The following KDM4D variants were observed in gnomAD, a reference collection of about 807,000 sequenced individuals.
KDM4D encodes the protein lysine demethylase 4D.
For synonymous variants in KDM4D, 254 were observed against 249.1 expected (o/e 1.02, Z -0.19); for missense variants, 427 against 674.8 (o/e 0.63, Z 4.07).
In KDM4D at chr11:94,999,294, G is replaced by A. The variant is rs1858007090; in HGVS notation, c.*350G>A. The A allele has an allele frequency of 5.4e-6, 1 of 184,934 alleles. No homozygotes were observed. The highest frequency in any genetic ancestry group is 2.4e-5 in the African/African-American group (1 of 42,208). The allele number at this position is 184,934 out of a possible 1,614,324, so 11.5% of individuals were successfully genotyped here. A position where few individuals can be genotyped will look rare whatever the true frequency, so the allele number is the denominator to read the frequency against. ...CTCTGGGCCAACTGTGGAAGCTGCT[G>A]CACTTGTGAAGAATCCTGAGCTTTG... On this transcript the variant is annotated 3_prime_UTR_variant, in exon 3 of 3. Coordinates refer to ENST00000335080, the MANE Select transcript of KDM4D (RefSeq NM_018039.3).
chr11:94,998,735 C>T lies in KDM4D; in HGVS notation c.1363C>T (p.Arg455Cys), dbSNP rs782590036. 9 of 1,613,896 alleles carry T rather than the reference C, an allele frequency of 5.6e-6. No individual in the cohort carries two copies. Among genetic ancestry groups the T allele is most frequent in the African/African-American group, 1.3e-5 (1 of 74,926 alleles). The part of the protein sequence containing the change: ...HPSNGRRGRG[R>C]PPQKLRAQEL... ...GTCAAATGGCAGACGTGGTCGTGGT[C>T]GCCCTCCTCAGAAACTGAGAGCTCA... The change falls in exon 3 of 3, where the codon CGC becomes TGC. Residue 455 changes from arginine to cysteine, a missense_variant. Coordinates refer to ENST00000335080, the MANE Select transcript of KDM4D (RefSeq NM_018039.3). The surrounding 1 kb of genome is among the most constrained non-coding windows in gnomAD (Gnocchi z 6.7).
rs782650005 is a variant in KDM4D, at chr11:94,997,365, C to T, written c.-8C>T. The stretch of plus-strand genomic sequence containing the variant: ...ATACCTAAAAACTAAGAGTTTACTG[C>T]TTATTAAATGGAAACTATGAAGTCT... On this transcript the variant is annotated 5_prime_UTR_variant, in exon 3 of 3. Coordinates refer to ENST00000335080, the MANE Select transcript of KDM4D (RefSeq NM_018039.3). 2.5e-6 allele frequency: 4 copies of T among 1,581,556 alleles called. No individual in the cohort carries two copies. The South Asian group carries it at 4.7e-5, about 19-fold the overall frequency.
chr11:94,983,533 G>C (rs1857859674), intron 2 of KDM4D, among the ~76,000 whole-genome samples: 1 of 151,976 alleles, frequency 6.6e-6, no homozygotes, highest in African/African-American at 2.4e-5. Context: ...TAAGTTATTT[G>C]CAACAATACA....
intron 2 of KDM4D, among the ~76,000 whole-genome samples, chr11:94,987,278 A>T (rs1857896064): frequency 6.6e-6 from 1 of 152,186 alleles, no homozygotes; most frequent in African/African-American, 2.4e-5. Flanking sequence ...ATTGAAGTGT[A>T]CACTTAAAAT....
At chr11:94,996,843 C>A (rs918818971) in intron 2 of KDM4D, among the ~76,000 whole-genome samples, 181 bp from the exon 3 acceptor site, 3 of 152,184 alleles carry the variant, frequency 2.0e-5, no homozygotes, top group Non-Finnish European at 4.4e-5. Flanking sequence ...GCTTCATATT[C>A]TCTGTAGTAG....
chr11:94,980,543 A>G (rs1332255107), intron 2 of KDM4D, among the ~76,000 whole-genome samples: 14 of 152,182 alleles, frequency 9.2e-5, no homozygotes, highest in African/African-American at 3.4e-4. Flanking sequence ...AAATCTATTA[A>G]CAGGTTATAT....
intron 2 of KDM4D, among the ~76,000 whole-genome samples, chr11:94,979,615 T>A (rs782311925): frequency 6.6e-5 from 10 of 152,232 alleles, no homozygotes; most frequent in Non-Finnish European, 1.2e-4. Context: ...AATGAATATG[T>A]ATTCCTTTAT....
At chr11:94,991,871 C>G (rs117875296) in intron 2 of KDM4D, among the ~76,000 whole-genome samples, 1,897 of 150,274 alleles carry the variant, frequency 0.013, 17 homozygotes, top group Middle Eastern at 0.062. Flanking sequence ...AATATGGGTT[C>G]AAAAAAAGCT....
Position 94,999,050 on chromosome 11 carries a change from A to C in KDM4D, c.*106A>C. On this transcript the variant is annotated 3_prime_UTR_variant, in exon 3 of 3. Coordinates refer to ENST00000335080, the MANE Select transcript of KDM4D (RefSeq NM_018039.3). ...TGGTTGAGTTTGCAGGACTCTAGGCATGCATGAAAGAGCCCCCCTGGTGAT... is the reference window on the plus strand; with the variant it reads ...TGGTTGAGTTTGCAGGACTCTAGGCCTGCATGAAAGAGCCCCCCTGGTGAT... The C allele has an allele frequency of 1.8e-6, 2 of 1,131,312 alleles. No individual in the cohort carries two copies. Among genetic ancestry groups the C allele is most frequent in the Non-Finnish European group, 2.4e-6 (2 of 846,908 alleles). The allele number at this position is 1,131,312 out of a possible 1,614,324, so 70.1% of individuals were successfully genotyped here.
chr11:94,983,842 A>G (rs1479954786), intron 2 of KDM4D, among the ~76,000 whole-genome samples: 1 of 152,056 alleles, frequency 6.6e-6, no homozygotes, highest in Non-Finnish European at 1.5e-5. Flanking sequence ...AGAAACAGAA[A>G]CTCCTATTAG....
chr11:94,994,017 G>C (rs1555098992), intron 2 of KDM4D, among the ~76,000 whole-genome samples: 1 of 152,096 alleles, frequency 6.6e-6, no homozygotes, highest in Non-Finnish European at 1.5e-5. Flanking sequence ...TACATCCTCA[G>C]TGTCTCGCTT....
At chr11:94,989,956 A>G (rs1857921234) in intron 2 of KDM4D, among the ~76,000 whole-genome samples, 1 of 151,844 alleles carries the variant, frequency 6.6e-6, no homozygotes, top group African/African-American at 2.4e-5. Flanking sequence ...ACAGGGTTTC[A>G]CCATGTTGGC....
intron 1 of KDM4D, among the ~76,000 whole-genome samples, chr11:94,975,451 CT>C (rs1857789736): frequency 6.6e-6 from 1 of 152,156 alleles, no homozygotes; most frequent in South Asian, 2.1e-4. Flanking sequence ...GTCATTTTCC[CT>C]TTCTGTGCTT....
intron 2 of KDM4D, among the ~76,000 whole-genome samples, chr11:94,977,593 T>C (rs1447433969): frequency 6.6e-6 from 1 of 152,186 alleles, no homozygotes; most frequent in Non-Finnish European, 1.5e-5. Context: ...GCAACTGTTC[T>C]CCCTCTCTGT....
At chr11:94,976,427 A>G (rs929481318) in intron 2 of KDM4D, among the ~76,000 whole-genome samples, 6 of 152,068 alleles carry the variant, frequency 3.9e-5, no homozygotes, top group African/African-American at 1.4e-4. Flanking sequence ...TTTTCCGCAG[A>G]TCTATCGAGC....
Position 94,998,534 on chromosome 11 carries a change from C to A in KDM4D, c.1162C>A (p.Pro388Thr). ...CCACTGGGCCCGGCATTCCCCTTGG[C>A]CTATGGCTGCCCGCAGTGGGACACG... ...PSHWARHSPWPMAARSGTRCH... is the reference protein window; with the variant it reads ...PSHWARHSPWTMAARSGTRCH... The change falls in exon 3 of 3, where the codon CCT (proline) becomes ACT (threonine). Residue 388 changes from proline (P) to threonine (T), a missense_variant. Transcript: ENST00000335080. This position sits in a 1 kb window ranked among gnomAD's most constrained non-coding sequence, Gnocchi z 6.7. The A allele has an allele frequency of 6.2e-7, 1 of 1,612,962 alleles. No homozygotes were observed. Among genetic ancestry groups the A allele is most frequent in the Non-Finnish European group, 8.5e-7 (1 of 1,180,014 alleles).
chr11:94,998,852 G>C lies in KDM4D; in HGVS notation c.1480G>C (p.Asp494His). The C allele has an allele frequency of 6.4e-7, 1 of 1,565,644 alleles. No individual in the cohort carries two copies. Among genetic ancestry groups the C allele is most frequent in the East Asian group, 2.3e-5 (1 of 44,354 alleles). Residue 494 changes from aspartate (D) to histidine (H), a missense_variant, in exon 3 of 3, where the codon GAT becomes CAT. Asp to His is a moderately conservative substitution (Grantham distance 81). Transcript: ENST00000335080. This position sits in a 1 kb window ranked among gnomAD's most constrained non-coding sequence, Gnocchi z 6.7. ...SGPEPEPLPE[D>H]GALMDKPVPL... ...CCCAGAACCTGAGCCCCTACCTGAG[G>C]ATGGGGCTTTGATGGACAAGCCTGT... is the stretch of plus-strand genomic sequence containing the variant.
rs1555099265 is a variant in KDM4D, at chr11:94,997,083, A to G, written c.-290A>G. The stretch of plus-strand genomic sequence containing the variant: ...CATTTGGGTCGTACCCCCAGGTCTG[A>G]GTAATTCAATAGACTTAAGAAGACA... On this transcript the variant is annotated 5_prime_UTR_variant, in exon 3 of 3. Transcript: ENST00000335080. The G allele has an allele frequency of 3.9e-6, 1 of 256,398 alleles. No homozygotes were observed. The highest frequency in any genetic ancestry group is 2.2e-5 in the African/African-American group (1 of 45,040). The allele number at this position is 256,398 out of a possible 1,614,324, so 15.9% of individuals were successfully genotyped here.
chr11:94,990,158 TG>T (rs2134113785), intron 2 of KDM4D, among the ~76,000 whole-genome samples: 1 of 152,322 alleles, frequency 6.6e-6, no homozygotes, highest in African/African-American at 2.4e-5. Flanking sequence ...GCACATCTCA[TG>T]GAAGAGACTT....
Sources: allele counts gnomAD v4.1 joint callset (sites outside exome capture counted in the v4.1 genomes callset), GRCh38; gene constraint gnomAD v4.1.1; non-coding constraint Gnocchi (gnomAD v3.1); transcripts MANE v1.5; gene names NCBI Gene and HGNC (gene_info 2026-07-23, HGNC 2026-07-21).